Variants in INSYN1 observed in about 807,000 individuals in gnomAD.
INSYN1 encodes the protein inhibitory synaptic factor 1, also known as UPF0583 protein C15orf59.
Under a neutral mutation model 17.1 loss-of-function variants are expected in INSYN1, and 7 were observed. That is an observed-to-expected ratio of 0.41 (90% CI 0.23 to 0.77). The LOEUF is 0.77. Ranked by LOEUF, INSYN1 falls within the 30% of genes least tolerant of loss-of-function variation. INSYN1 has a pLI of 0.32. For synonymous variants in INSYN1, 174 were observed against 166.3 expected (o/e 1.05, Z -0.36); for missense variants, 339 against 400.6 (o/e 0.85, Z 1.31).
At chr15:73,745,866 G>A (rs1901813790) in intron 2 of INSYN1, among the ~76,000 whole-genome samples, 1 of 140,722 alleles carries the variant, frequency 7.1e-6, no homozygotes, top group Non-Finnish European at 1.6e-5. Flanking sequence ...CTTTTCTGAG[G>A]AAGAGTTCCA....
rs1450956252 is a variant in INSYN1, at chr15:73,739,557, GT to G, written c.*359del. 1.3e-5 allele frequency: 2 copies of G among 152,448 alleles called. No homozygotes were observed. The highest frequency in any genetic ancestry group is 2.9e-5 in the Non-Finnish European group (2 of 68,290). The allele number at this position is 152,448 out of a possible 1,614,324, so 9.4% of individuals were successfully genotyped here. A position where few individuals can be genotyped will look rare whatever the true frequency, so the allele number is the denominator to read the frequency against. On this transcript the variant is annotated 3_prime_UTR_variant, in exon 3 of 3. Coordinates refer to ENST00000569673, the MANE Select transcript of INSYN1 (RefSeq NM_001039614.3). ...TTTAGAGCCCGCCTCCTGCAGGGGA[GT>G]CCCCTCTAGGACATGGCCCTGGCCA...
At chr15:73,749,735 C>G (rs1050181028) in intron 2 of INSYN1, among the ~76,000 whole-genome samples, 1 of 152,218 alleles carries the variant, frequency 6.6e-6, no homozygotes, top group Non-Finnish European at 1.5e-5. Context: ...GAAGCACCAC[C>G]ACCTCAGTCT....
Position 73,751,252 on chromosome 15 carries a change from C to T in INSYN1, c.-122G>A, listed in dbSNP as rs1596041035. 1.6e-6 allele frequency: 2 copies of T among 1,262,864 alleles called. No individual in the cohort carries two copies. The highest frequency in any genetic ancestry group is 2.5e-5 in the East Asian group (1 of 39,296). 78.2% of individuals were successfully genotyped at this position (1,262,864 alleles called of 1,614,324 possible). A position where few individuals can be genotyped will look rare whatever the true frequency, so the allele number is the denominator to read the frequency against. On this transcript the variant is annotated 5_prime_UTR_variant, in exon 2 of 3. Transcript: ENST00000569673. ...ACATTTTAACGGCCCCCCAGCCCACCCTGGCCCTGGGCGGCCCTCAACCAG... is the reference window on the plus strand; with the variant it reads ...ACATTTTAACGGCCCCCCAGCCCACTCTGGCCCTGGGCGGCCCTCAACCAG...
At chr15:73,742,874 T>G (rs1465070840) in intron 2 of INSYN1, among the ~76,000 whole-genome samples, 1 of 152,150 alleles carries the variant, frequency 6.6e-6, no homozygotes, top group Non-Finnish European at 1.5e-5. Flanking sequence ...GTTCTGCTGG[T>G]CTGGGGTGGT....
chr15:73,749,943 A>G (rs551823918), intron 2 of INSYN1, among the ~76,000 whole-genome samples: 13 of 152,210 alleles, frequency 8.5e-5, no homozygotes, highest in African/African-American at 3.1e-4. Flanking sequence ...TGGAGTTGGT[A>G]CCTACCATCA....
At chr15:73,743,885 T>C (rs866389432) in intron 2 of INSYN1, among the ~76,000 whole-genome samples, 22 of 114,564 alleles carry the variant, frequency 1.9e-4, no homozygotes, top group South Asian at 1.1e-3. Context: ...TTAACAGATA[T>C]GAATGTGTCA....
At position 73,739,894 on chromosome 15, in the gene INSYN1, GC is replaced by G. The variant is rs1596035606; in HGVS notation, c.*22del. 6.2e-6 allele frequency: 6 copies of G among 966,280 alleles called. No homozygotes were observed. The highest frequency in any genetic ancestry group is 4.7e-6 in the Non-Finnish European group (3 of 641,360). 59.9% of individuals were successfully genotyped at this position (966,280 alleles called of 1,614,324 possible). A position where few individuals can be genotyped will look rare whatever the true frequency, so the allele number is the denominator to read the frequency against. On this transcript the variant is annotated 3_prime_UTR_variant, in exon 3 of 3. Transcript: ENST00000569673. The stretch of plus-strand genomic sequence containing the variant: ...TTATTTATAGCTCTATGTGCCCACC[GC>G]CCCCGGCCCCCTCCCCGGCCCCTAG...
intron 2 of INSYN1, 60 bp downstream of exon 2, chr15:73,750,915 G>T: frequency 6.3e-7 from 1 of 1,592,092 alleles, no homozygotes; most frequent in Non-Finnish European, 8.6e-7. Flanking sequence ...GTACGTTTTT[G>T]TGCCAAACCC....
At position 73,736,881 on chromosome 15, in the gene INSYN1, G is replaced by C. The variant is rs1901542245; in HGVS notation, c.*3036C>G. On this transcript the variant is annotated 3_prime_UTR_variant, in exon 3 of 3. Transcript: ENST00000569673. ...ATTGCACTCCAGCCTGGATGATAGA[G>C]GGAGACTCCATCTAAAAAAAAACAA... The C allele has an allele frequency of 7.2e-6, 1 of 139,778 alleles. No individual in the cohort carries two copies. Among genetic ancestry groups the C allele is most frequent in the Non-Finnish European group, 1.6e-5 (1 of 64,084 alleles). 8.7% of individuals were successfully genotyped at this position (139,778 alleles called of 1,614,324 possible). A position where few individuals can be genotyped will look rare whatever the true frequency, so the allele number is the denominator to read the frequency against.
chr15:73,742,365 A>G (rs146833937), intron 2 of INSYN1, among the ~76,000 whole-genome samples: 344 of 152,260 alleles, frequency 2.3e-3, no homozygotes, highest in African/African-American at 8.3e-3. Context: ...GAGTATGACA[A>G]TCCCAGCCAA....
chr15:73,740,768 C>G, intron 2 of INSYN1, 126 bp from the exon 3 acceptor site: 1 of 808,614 alleles, frequency 1.2e-6, no homozygotes, highest in Non-Finnish European at 2.0e-6. Context: ...AGGGGAGAGC[C>G]TGTAGGATGG....
intron 2 of INSYN1, among the ~76,000 whole-genome samples, chr15:73,744,796 C>T (rs1477236916): frequency 6.6e-6 from 1 of 152,022 alleles, no homozygotes; most frequent in East Asian, 1.9e-4. Context: ...AATCAGACAA[C>T]CCCCAAGCCA....
intron 2 of INSYN1, among the ~76,000 whole-genome samples, chr15:73,745,128 C>A (rs1040283162): frequency 2.0e-5 from 3 of 152,126 alleles, no homozygotes; most frequent in Admixed American, 2.0e-4. Flanking sequence ...AACTTCCTCC[C>A]AGCTCTTGCT....
chr15:73,744,754 G>A (rs2141468092), intron 2 of INSYN1, among the ~76,000 whole-genome samples: 1 of 152,284 alleles, frequency 6.6e-6, no homozygotes, highest in Middle Eastern at 3.4e-3. Flanking sequence ...GAGAGAGAGA[G>A]TGGAGAGAGA....
chr15:73,746,618 C>A (rs572098957), intron 2 of INSYN1, among the ~76,000 whole-genome samples: 1 of 152,188 alleles, frequency 6.6e-6, no homozygotes, highest in Non-Finnish European at 1.5e-5. Context: ...CACTGCCACC[C>A]AAGGCTGGGG....
At position 73,740,707 on chromosome 15, in the gene INSYN1, G is replaced by A. The variant is rs929774595; in HGVS notation, c.157-65C>T. On this transcript the variant is annotated intron_variant, in intron 2 of 2. Transcript: ENST00000569673. ...GGGTCCCTGCATCAGCCAGGTGTGA[G>A]TGTGTCTCCACCCCATCCCTGTAGA... is the stretch of plus-strand genomic sequence containing the variant. 56 of 1,287,404 alleles carry A rather than the reference G, an allele frequency of 4.3e-5. No homozygotes were observed. In the South Asian group the frequency reaches 6.7e-4, roughly 15 times the overall value. The allele number at this position is 1,287,404 out of a possible 1,614,324, so 79.7% of individuals were successfully genotyped here.
intron 2 of INSYN1, among the ~76,000 whole-genome samples, chr15:73,747,968 C>G (rs945791860): frequency 2.0e-5 from 3 of 152,174 alleles, no homozygotes; most frequent in Non-Finnish European, 4.4e-5. Context: ...GCTCATCGCC[C>G]AGGGAGCCAG....
At chr15:73,749,615 C>T (rs774335254) in intron 2 of INSYN1, among the ~76,000 whole-genome samples, 1 of 152,106 alleles carries the variant, frequency 6.6e-6, no homozygotes, top group Non-Finnish European at 1.5e-5. Context: ...TGCCTTGGAC[C>T]CAAGAGTTTG....
At position 73,740,014 on chromosome 15, in the gene INSYN1, A is replaced by T. The variant is rs771996682; in HGVS notation, c.785T>A (p.Val262Asp). Residue 262 changes from valine to aspartate, a missense_variant, in exon 3 of 3, where the codon GTC becomes GAC. Transcript: ENST00000569673. ...STLAPEQTRRVTRNSSTQTVS... is the reference protein window; with the variant it reads ...STLAPEQTRRDTRNSSTQTVS... ...TGTCTGGGTGCTGCTGTTCCTCGTGACCCTTCGAGTCTGTTCAGGGGCCAA... is the reference window on the plus strand; with the variant it reads ...TGTCTGGGTGCTGCTGTTCCTCGTGTCCCTTCGAGTCTGTTCAGGGGCCAA... The T allele has an allele frequency of 1.2e-6, 2 of 1,609,602 alleles. No individual in the cohort carries two copies. The highest frequency in any genetic ancestry group is 2.7e-5 in the African/African-American group (2 of 73,634).
Sources: allele counts gnomAD v4.1 joint callset (sites outside exome capture counted in the v4.1 genomes callset), GRCh38; gene constraint gnomAD v4.1.1; transcripts MANE v1.5; gene names NCBI Gene and HGNC (gene_info 2026-07-23, HGNC 2026-07-21).